Variants in KDM7A observed in about 807,000 individuals in gnomAD.
The protein encoded by KDM7A is lysine demethylase 7A, also known as lysine-specific demethylase 7A.
In KDM7A, 28 loss-of-function variants were observed where a neutral mutation model predicts 114.8. The observed-to-expected ratio is 0.24, with a 90% CI of 0.18 to 0.33. The LOEUF is 0.33. Ranked by LOEUF, KDM7A falls within the 10% of genes least tolerant of loss-of-function variation. The pLI, the probability that KDM7A is intolerant of heterozygous loss-of-function variation, is 1.00. For synonymous variants in KDM7A, 423 were observed against 397.8 expected (o/e 1.06, Z -0.75); for missense variants, 942 against 1,142.5 (o/e 0.82, Z 2.53).
chr7:140,139,084 A>G, intron 2 of KDM7A, 21 bp downstream of exon 2: 1 of 1,511,176 alleles, frequency 6.6e-7, no homozygotes, highest in Non-Finnish European at 9.2e-7. Context: ...GTCCATTTTT[A>G]TTTAAGCATC....
chr7:140,102,886 G>A (rs989793048), intron 11 of KDM7A, among the ~76,000 whole-genome samples: 2 of 152,168 alleles, frequency 1.3e-5, no homozygotes, highest in Non-Finnish European at 2.9e-5. Context: ...AGCATATCAT[G>A]AAAAATAGCA....
intron 13 of KDM7A, among the ~76,000 whole-genome samples, chr7:140,099,370 A>AT (rs1235883997): frequency 1.3e-5 from 2 of 151,930 alleles, no homozygotes; most frequent in African/African-American, 4.8e-5. Flanking sequence ...ATTTATTTTT[A>AT]TTTTTTTGTA....
In KDM7A at chr7:140,090,296, A is replaced by G. The variant is rs1817997590; in HGVS notation, c.*798T>C. On this transcript the variant is annotated 3_prime_UTR_variant, in exon 20 of 20. Transcript: ENST00000397560. The stretch of plus-strand genomic sequence containing the variant: ...CGAAATGAGAAATGAGGGATCTTTC[A>G]TGGAGTTCTTACACATTGGCTACGA... The G allele has an allele frequency of 6.6e-6, 1 of 152,186 alleles. No homozygotes were observed. The highest frequency in any genetic ancestry group is 6.5e-5 in the Admixed American group (1 of 15,276). The allele number at this position is 152,186 out of a possible 1,614,324, so 9.4% of individuals were successfully genotyped here. A position where few individuals can be genotyped will look rare whatever the true frequency, so the allele number is the denominator to read the frequency against.
intron 15 of KDM7A, among the ~76,000 whole-genome samples, chr7:140,097,250 GCTTT>G (rs1406082808): frequency 1.1e-4 from 17 of 152,184 alleles, no homozygotes; most frequent in South Asian, 4.1e-4. Context: ...CACAGTATAG[GCTTT>G]CTTTAAGGTA....
At chr7:140,170,813 C>G (rs1680363192) in intron 1 of KDM7A, among the ~76,000 whole-genome samples, 1 of 152,178 alleles carries the variant, frequency 6.6e-6, no homozygotes, top group African/African-American at 2.4e-5. Flanking sequence ...CACTATATTC[C>G]TAGCACCTGG....
chr7:140,176,600 G>GGCCGGGGGGCTAGGC lies in KDM7A; in HGVS notation c.194+129_194+143dup, dbSNP rs1794712209. On this transcript the variant is annotated intron_variant, in intron 1 of 19. Transcript: ENST00000397560. The surrounding 1 kb of genome is among the most constrained non-coding windows in gnomAD (Gnocchi z 4.4). ...CGGGGCACCGCGCGCCCCACTGCCC[G>GGCCGGGGGGCTAGGC]GCCGGGGGGCTAGGCACCGGGGCCC... The GGCCGGGGGGCTAGGC allele has an allele frequency of 1.0e-5, 5 of 489,016 alleles. No individual in the cohort carries two copies. In the Admixed American group the frequency reaches 2.6e-4, roughly 26 times the overall value. The allele number at this position is 489,016 out of a possible 1,614,324, so 30.3% of individuals were successfully genotyped here.
intron 1 of KDM7A, among the ~76,000 whole-genome samples, chr7:140,154,956 T>C (rs1472592644): frequency 6.6e-6 from 1 of 152,144 alleles, no homozygotes; most frequent in Non-Finnish European, 1.5e-5. Flanking sequence ...AAAGTACCAA[T>C]AAACCAAGTG....
intron 2 of KDM7A, among the ~76,000 whole-genome samples, chr7:140,135,225 G>A (rs1397448676): frequency 2.3e-5 from 3 of 129,728 alleles, no homozygotes; most frequent in South Asian, 2.3e-4. Context: ...TTTTTTTTGA[G>A]ACAGAGTCTT....
chr7:140,160,577 C>A (rs1464888726), intron 1 of KDM7A, among the ~76,000 whole-genome samples: 2 of 152,132 alleles, frequency 1.3e-5, no homozygotes, highest in Non-Finnish European at 2.9e-5. Context: ...GGATGTAATA[C>A]CAAGGTAAAT....
At chr7:140,157,821 TAGTC>T (rs969725321) in intron 1 of KDM7A, among the ~76,000 whole-genome samples, 4 of 149,598 alleles carry the variant, frequency 2.7e-5, no homozygotes, top group Non-Finnish European at 4.4e-5. Flanking sequence ...AAAAAAAAAT[TAGTC>T]AGGTGTGGTG....
At chr7:140,112,614 A>C (rs919846101) in intron 10 of KDM7A, among the ~76,000 whole-genome samples, 1 of 152,174 alleles carries the variant, frequency 6.6e-6, no homozygotes, top group Non-Finnish European at 1.5e-5. Flanking sequence ...CTGTCTAAAA[A>C]AAAAAAAAGA....
At chr7:140,139,764 A>C (rs961618219) in intron 1 of KDM7A, among the ~76,000 whole-genome samples, 14 of 152,232 alleles carry the variant, frequency 9.2e-5, no homozygotes, top group Non-Finnish European at 1.6e-4. Flanking sequence ...TTGAAGACAA[A>C]AATTGATTCT....
rs1311422046 is a variant in KDM7A, at chr7:140,085,043, CA to C, written c.*6050del. The C allele has an allele frequency of 1.3e-5, 2 of 152,208 alleles. No homozygotes were observed. The highest frequency in any genetic ancestry group is 4.8e-5 in the African/African-American group (2 of 41,436). 9.4% of individuals were successfully genotyped at this position (152,208 alleles called of 1,614,324 possible). On this transcript the variant is annotated 3_prime_UTR_variant, in exon 20 of 20. Transcript: ENST00000397560. ...ACTGTACACTTTCCCTGCCTGCAGG[CA>C]AAAGATGGGAAATACTGTTATGAAT...
intron 1 of KDM7A, among the ~76,000 whole-genome samples, chr7:140,153,491 G>GA (rs78679615): frequency 0.29 from 37,710 of 131,446 alleles, 4,919 homozygotes; most frequent in Middle Eastern, 0.33. Flanking sequence ...GTCTCAAAAA[G>GA]AAAAAAAAAA....
chr7:140,124,853 T>C (rs1489217442), intron 6 of KDM7A, 70 bp from the exon 7 acceptor site: 1 of 856,194 alleles, frequency 1.2e-6, no homozygotes, highest in African/African-American at 1.7e-5. Flanking sequence ...ATTGATGCAA[T>C]TTCTCAATAC....
chr7:140,172,796 T>C (rs1794660332), intron 1 of KDM7A, among the ~76,000 whole-genome samples: 1 of 152,122 alleles, frequency 6.6e-6, no homozygotes, highest in Non-Finnish European at 1.5e-5. Flanking sequence ...TATACATCAA[T>C]GACAAAAGGT....
At chr7:140,168,901 G>A (rs1428984526) in intron 1 of KDM7A, among the ~76,000 whole-genome samples, 1 of 152,166 alleles carries the variant, frequency 6.6e-6, no homozygotes, top group African/African-American at 2.4e-5. Context: ...TAAGGAAAGG[G>A]GAAAGCTAAA....
chr7:140,125,903 T>G (rs1048329385), intron 6 of KDM7A, among the ~76,000 whole-genome samples: 1 of 149,662 alleles, frequency 6.7e-6, no homozygotes, highest in African/African-American at 2.5e-5. Context: ...GCCTGGCTAC[T>G]TTTTTTATTT....
intron 11 of KDM7A, 96 bp from the exon 12 acceptor site, chr7:140,102,256 C>A: frequency 1.1e-6 from 1 of 926,922 alleles, no homozygotes; most frequent in Non-Finnish European, 1.7e-6. Context: ...AAAACAAAAA[C>A]CATTCAGTTT....
Sources: gnomAD v4.1 joint callset for allele counts (sites outside exome capture counted in the v4.1 genomes callset) on GRCh38, gnomAD v4.1.1 for gene constraint, Gnocchi (gnomAD v3.1) non-coding constraint, MANE v1.5 for transcripts, NCBI Gene and HGNC (gene_info 2026-07-23, HGNC 2026-07-21) for gene names.